The following BABAM2 variants were observed in gnomAD, a reference collection of about 807,000 sequenced individuals.
BABAM2 encodes the protein BRISC and BRCA1 A complex member 2, also known as BRISC and BRCA1-A complex member 2.
A neutral mutation model predicts 54.7 loss-of-function variants in BABAM2; 31 were observed. The ratio of observed to expected loss-of-function variants is 0.57; its 90% CI spans 0.43 to 0.77. The LOEUF (loss-of-function observed/expected upper bound fraction) is 0.77, where lower values mean the gene tolerates loss of function less well. Ranked by LOEUF, BABAM2 falls within the 30% of genes least tolerant of loss-of-function variation. The probability of loss-of-function intolerance (pLI) is 0.00; values close to 1 mark genes in which losing one functional copy is unlikely to be tolerated. For synonymous variants in BABAM2, 167 were observed against 162.9 expected, an observed-to-expected ratio of 1.03 and a Z score of -0.19; for missense variants, 364 against 455.8, an observed-to-expected ratio of 0.80 and a Z score of 1.83.
At chr2:28,165,529 CTTTTTTTTTTT>C (rs1192641957) in intron 7 of BABAM2, among the ~76,000 whole-genome samples, 2 of 72,254 alleles carry the variant, frequency 2.8e-5, no homozygotes, top group Non-Finnish European at 4.8e-5. Context: ...TTTTTCCTTG[CTTTTTTTTTTT>C]TTTTTTTTTT....
rs145603571 is a variant in BABAM2 at position 27,966,408 on chromosome 2, C to T, written c.206-21585C>T. Among the ~76,000 whole-genome samples, 11 of 152,200 alleles carry T rather than the reference C, an allele frequency of 7.2e-5. No homozygotes were observed. In the East Asian group the frequency reaches 2.1e-3, roughly 29 times the overall value. ...ACTTGATTTGTTAATATATCATTAA[C>T]TCCTGGGTTTAAAATAATGTGGTGT... On this transcript the variant is annotated intron_variant, in intron 3 of 11. Transcript: ENST00000379624.
intron 6 of BABAM2, among the ~76,000 whole-genome samples, chr2:28,088,093 A>T (rs1378292170): frequency 6.6e-6 from 1 of 152,246 alleles, no homozygotes. Context: ...AATTTTGTTT[A>T]TGTGAACACA....
intron 4 of BABAM2, among the ~76,000 whole-genome samples, chr2:27,988,374 T>C (rs1375214861): frequency 6.6e-6 from 1 of 152,230 alleles, no homozygotes; most frequent in Non-Finnish European, 1.5e-5. Flanking sequence ...GAAAATATTT[T>C]CTTTGTTTTA....
intron 10 of BABAM2, among the ~76,000 whole-genome samples, chr2:28,293,735 A>G (rs1687470429): frequency 1.3e-5 from 2 of 152,192 alleles, no homozygotes; most frequent in Non-Finnish European, 2.9e-5. Context: ...ATAGTTATTG[A>G]GACCGAGTGT....
intron 4 of BABAM2, among the ~76,000 whole-genome samples, chr2:28,017,074 C>T (rs1361638197): frequency 6.6e-6 from 1 of 152,022 alleles, no homozygotes; most frequent in African/African-American, 2.4e-5. Context: ...CATGTTATGT[C>T]CACTTGACTT....
intron 6 of BABAM2, among the ~76,000 whole-genome samples, chr2:28,125,863 G>T (rs1669476379): frequency 6.6e-6 from 1 of 152,124 alleles, no homozygotes; most frequent in Non-Finnish European, 1.5e-5. Flanking sequence ...TCCATGCCAT[G>T]GAATATTATG....
chr2:28,016,376 C>T (rs1230867544), intron 4 of BABAM2: 7 of 1,369,172 alleles, frequency 5.1e-6, no homozygotes, highest in East Asian at 2.3e-5. Flanking sequence ...AGGCCTTGAT[C>T]GATTCAGATA....
At chr2:28,289,062 A>G (rs1419075181) in intron 10 of BABAM2, among the ~76,000 whole-genome samples, 6 of 151,118 alleles carry the variant, frequency 4.0e-5, no homozygotes, top group African/African-American at 1.5e-4. Context: ...GTTTATACAC[A>G]CGCGCACACA....
In BABAM2 at chr2:28,032,750, A is replaced by G. The variant is rs1044909427; in HGVS notation, c.495+7330A>G. 3.3e-5 allele frequency among the ~76,000 whole-genome samples: 5 copies of G among 152,168 alleles called. No individual in the cohort carries two copies. In the East Asian group the frequency reaches 9.6e-4, roughly 29 times the overall value. On this transcript the variant is annotated intron_variant, in intron 5 of 11. Transcript: ENST00000379624. ...TGCAAGCTTAATGTTAAGAATGAAG[A>G]AGACTTTTCTGCCTGCATGCTCGGA...
At chr2:28,122,353 C>T (rs1025530316) in intron 6 of BABAM2, among the ~76,000 whole-genome samples, 2 of 152,112 alleles carry the variant, frequency 1.3e-5, no homozygotes, top group Non-Finnish European at 2.9e-5. Context: ...CTTGTAGTCT[C>T]AGCTACTTGG....
intron 3 of BABAM2, among the ~76,000 whole-genome samples, chr2:27,979,332 C>T (rs942257683): frequency 6.6e-6 from 1 of 151,804 alleles, no homozygotes; most frequent in African/African-American, 2.4e-5. Context: ...CTGCGCCTGG[C>T]CTATGTACAT....
chr2:28,134,542 C>T (rs1014403744), intron 7 of BABAM2: 1 of 152,252 alleles, frequency 6.6e-6, no homozygotes, highest in African/African-American at 2.4e-5. Flanking sequence ...TGTGCTGTTC[C>T]CACTCTGTGC....
At chr2:28,079,064 A>G (rs1664937821) in intron 6 of BABAM2, among the ~76,000 whole-genome samples, 1 of 152,216 alleles carries the variant, frequency 6.6e-6, no homozygotes, top group South Asian at 2.1e-4. Flanking sequence ...ATTGGGAAAT[A>G]CTGATCCTAC....
chr2:27,928,967 A>G (rs72810590), intron 2 of BABAM2, among the ~76,000 whole-genome samples: 6,513 of 150,264 alleles, frequency 0.043, 196 homozygotes, highest in Middle Eastern at 0.12. Flanking sequence ...TGATCCTGAC[A>G]CTTTGGGAGG....
intron 6 of BABAM2, among the ~76,000 whole-genome samples, chr2:28,063,985 A>T (rs1679112169): frequency 6.6e-6 from 1 of 152,166 alleles, no homozygotes; most frequent in Non-Finnish European, 1.5e-5. Flanking sequence ...GGTCTGTCTC[A>T]CTCAAAAGCC....
chr2:28,200,529 C>A (rs1678147927), intron 7 of BABAM2, among the ~76,000 whole-genome samples: 1 of 152,186 alleles, frequency 6.6e-6, no homozygotes, highest in Non-Finnish European at 1.5e-5. Context: ...GGGTAAAGTG[C>A]ATATTAGTAG....
intron 11 of BABAM2, among the ~76,000 whole-genome samples, chr2:28,320,079 C>G (rs1436982925): frequency 6.6e-6 from 1 of 152,200 alleles, no homozygotes; most frequent in Non-Finnish European, 1.5e-5. Context: ...TCAATTCATG[C>G]TGGAAATTGT....
intron 7 of BABAM2, among the ~76,000 whole-genome samples, chr2:28,165,529 C>CTTTTTTTTTTTTTTTTTTT (rs1192641957): frequency 1.4e-5 from 1 of 72,254 alleles, no homozygotes; most frequent in African/African-American, 5.7e-5. Flanking sequence ...TTTTTCCTTG[C>CTTTTTTTTTTTTTTTTTTT]TTTTTTTTTT....
intron 7 of BABAM2, among the ~76,000 whole-genome samples, chr2:28,141,506 A>G (rs1472524179): frequency 2.6e-5 from 4 of 152,222 alleles, no homozygotes; most frequent in Non-Finnish European, 5.9e-5. Flanking sequence ...CTATTACTGC[A>G]GAATGAGAGA....
Sources: gnomAD v4.1 joint callset for allele counts (sites outside exome capture counted in the v4.1 genomes callset) on GRCh38, gnomAD v4.1.1 for gene constraint, MANE v1.5 for transcripts, NCBI Gene and HGNC (gene_info 2026-07-23, HGNC 2026-07-21) for gene names.